Variants in ARF4 observed in about 807,000 individuals in gnomAD.
ARF4 encodes ADP-ribosylation factor 4.
ARF4 carries 5 observed loss-of-function variants against 24.3 expected under a neutral mutation model. The ratio of observed to expected loss-of-function variants is 0.21; its 90% confidence interval spans 0.11 to 0.43. The LOEUF (loss-of-function observed/expected upper bound fraction) is 0.43. Among genes scored for constraint, ARF4 ranks in the 20% least tolerant of loss-of-function variants. The pLI is 1.00. For synonymous variants in ARF4, 62 were observed against 73.5 expected, an observed-to-expected ratio of 0.84 and a Z score of 0.80; for missense variants, 107 against 213.0, an observed-to-expected ratio of 0.50 and a Z score of 3.10.
chr3:57,594,392 G>A (rs2070156448), intron 1 of ARF4, among the ~76,000 whole-genome samples: 1 of 152,186 alleles, frequency 6.6e-6, no homozygotes, highest in Non-Finnish European at 1.5e-5. Context: ...CTGGCCAGAA[G>A]CTATTGCTTC....
intron 1 of ARF4, among the ~76,000 whole-genome samples, chr3:57,594,605 T>A (rs552929760): frequency 1.1e-3 from 173 of 152,344 alleles, no homozygotes; most frequent in African/African-American, 4.0e-3. Flanking sequence ...ACGAATTAAA[T>A]TTAAAACTTC....
intron 3 of ARF4, among the ~76,000 whole-genome samples, chr3:57,578,591 C>T (rs367613422): frequency 2.6e-5 from 4 of 151,922 alleles, no homozygotes; most frequent in Non-Finnish European, 4.4e-5. Flanking sequence ...ATGATCCTCC[C>T]GCCTCAGCCT....
chr3:57,573,266 G>A (rs894269034), intron 5 of ARF4, among the ~76,000 whole-genome samples: 7 of 151,692 alleles, frequency 4.6e-5, no homozygotes, highest in African/African-American at 1.2e-4. Flanking sequence ...AAGCTTTTCA[G>A]ACAATTTCAC....
At chr3:57,577,985 AGG>A (rs200332259) in intron 3 of ARF4, among the ~76,000 whole-genome samples, 2,443 of 152,204 alleles carry the variant, frequency 0.016, 35 homozygotes, top group Admixed American at 0.032. Context: ...CCCGAGACGG[AGG>A]TTGCAGGGAG....
At chr3:57,581,715 G>T (rs1189446868) in intron 3 of ARF4, among the ~76,000 whole-genome samples, 2 of 152,086 alleles carry the variant, frequency 1.3e-5, no homozygotes, top group African/African-American at 2.4e-5. Context: ...CAGGAGAATC[G>T]CTTGAACCCA....
At chr3:57,584,178 G>T in intron 2 of ARF4, 171 bp from the exon 3 acceptor site, 1 of 695,884 alleles carries the variant, frequency 1.4e-6, no homozygotes, top group Non-Finnish European at 2.4e-6. Context: ...ATGCAGGCTG[G>T]TCTTGAACTC....
chr3:57,575,370 C>T (rs2069891171), intron 5 of ARF4, among the ~76,000 whole-genome samples, 178 bp downstream of exon 5: 3 of 150,916 alleles, frequency 2.0e-5, no homozygotes, highest in South Asian at 4.2e-4. Flanking sequence ...AGTAGTTTTC[C>T]GTTTCTTTAC....
chr3:57,593,375 G>C (rs948622068), intron 1 of ARF4, among the ~76,000 whole-genome samples: 1 of 152,160 alleles, frequency 6.6e-6, no homozygotes, highest in East Asian at 1.9e-4. Flanking sequence ...TACATAAATA[G>C]ATGGATTTAC....
At chr3:57,593,544 C>T (rs1338558900) in intron 1 of ARF4, among the ~76,000 whole-genome samples, 1 of 152,228 alleles carries the variant, frequency 6.6e-6, no homozygotes, top group East Asian at 1.9e-4. Flanking sequence ...CTACACTACA[C>T]TGATATCAGC....
Position 57,594,903 on chromosome 3 carries a change from A to C in ARF4, c.67+2171T>G, listed in dbSNP as rs191978601. Among the ~76,000 whole-genome samples, 472 of 152,348 alleles carry C rather than the reference A, an allele frequency of 3.1e-3. 2 individuals carry two copies. The highest frequency in any genetic ancestry group is 0.011 in the African/African-American group (446 of 41,588). On this transcript the variant is annotated intron_variant, in intron 1 of 5. Transcript: ENST00000303436. The stretch of plus-strand genomic sequence containing the variant: ...ACCACCTTTTTCCCTGTTCATGCAC[A>C]TATCTCCCTCGTACGTTGATACTTC...
chr3:57,582,835 GT>G (rs2069992230), intron 3 of ARF4, among the ~76,000 whole-genome samples: 1 of 152,206 alleles, frequency 6.6e-6, no homozygotes, highest in African/African-American at 2.4e-5. Context: ...TTAAACAAAG[GT>G]AGAGTGAGAA....
intron 3 of ARF4, among the ~76,000 whole-genome samples, chr3:57,582,418 T>C (rs2069986185): frequency 7.0e-6 from 1 of 143,272 alleles, no homozygotes; most frequent in South Asian, 2.5e-4. Context: ...AATTTTTGTA[T>C]TTTTAGTAAA....
At chr3:57,585,853 G>C (rs1559785523) in intron 1 of ARF4, among the ~76,000 whole-genome samples, 1 of 151,914 alleles carries the variant, frequency 6.6e-6, no homozygotes, top group Non-Finnish European at 1.5e-5. Context: ...GTAGAGACGG[G>C]GTTTCACCAT....
At chr3:57,596,126 C>T (rs1298615787) in intron 1 of ARF4, among the ~76,000 whole-genome samples, 1 of 152,132 alleles carries the variant, frequency 6.6e-6, no homozygotes, top group African/African-American at 2.4e-5. Flanking sequence ...CTTACTTCAG[C>T]CAACTGACAG....
In ARF4 at chr3:57,585,665, C is replaced by CTTTT. The variant is rs10651218; in HGVS notation, c.68-1205_68-1202dup. ...CTACAATATAAGTAATATCTAAATT[C>CTTTT]TTTTTTTTTTTTTTTGAGACAGAGT... On this transcript the variant is annotated intron_variant, in intron 1 of 5. Coordinates refer to ENST00000303436, the MANE Select transcript of ARF4 (RefSeq NM_001660.4). Among the ~76,000 whole-genome samples, 12 of 137,074 alleles carry CTTTT rather than the reference C, an allele frequency of 8.8e-5. 1 individual carries two copies. The highest frequency in any genetic ancestry group is 1.1e-4 in the African/African-American group (4 of 36,724). 89.9% of individuals were successfully genotyped at this position (137,074 alleles called of 152,430 possible). A position where few individuals can be genotyped will look rare whatever the true frequency, so the allele number is the denominator to read the frequency against.
At chr3:57,577,203 GC>G (rs993499065) in intron 4 of ARF4, 112 bp downstream of exon 4, 45 of 828,416 alleles carry the variant, frequency 5.4e-5, no homozygotes, top group Middle Eastern at 2.3e-4. Flanking sequence ...TTTATTTCTA[GC>G]CCCCCCAATC....
intron 3 of ARF4, among the ~76,000 whole-genome samples, chr3:57,577,870 A>G (rs1370863820): frequency 6.6e-6 from 1 of 152,056 alleles, no homozygotes; most frequent in Non-Finnish European, 1.5e-5. Context: ...CCTGGGCAAC[A>G]TGGCGAAAGG....
chr3:57,572,006 T>TC lies in ARF4; in HGVS notation c.*205dup. The TC allele has an allele frequency of 2.1e-6, 1 of 482,586 alleles. No homozygotes were observed. The highest frequency in any genetic ancestry group is 3.7e-6 in the Non-Finnish European group (1 of 269,842). 29.9% of individuals were successfully genotyped at this position (482,586 alleles called of 1,614,324 possible). On this transcript the variant is annotated 3_prime_UTR_variant, in exon 6 of 6. Transcript: ENST00000303436. ...GTAAAATTAAAAGAGGATACTTTTT[T>TC]CCCAAGGAGAATTTCTTTAAAACCA...
chr3:57,582,008 T>C (rs961515844), intron 3 of ARF4, among the ~76,000 whole-genome samples: 2 of 152,170 alleles, frequency 1.3e-5, no homozygotes, highest in African/African-American at 4.8e-5. Flanking sequence ...AAAAACTCCC[T>C]GGAGTATATC....
Sources: allele counts gnomAD v4.1 joint callset (sites outside exome capture counted in the v4.1 genomes callset), GRCh38; gene constraint gnomAD v4.1.1; transcripts MANE v1.5; gene names NCBI Gene and HGNC (gene_info 2026-07-23, HGNC 2026-07-21).